The following COL6A1 variants were observed in gnomAD, a reference collection of about 807,000 sequenced individuals.
The protein encoded by COL6A1 is collagen type VI alpha 1 chain, also known as collagen alpha-1(VI) chain.
COL6A1 carries 80 observed loss-of-function variants against 145.6 expected under a neutral mutation model. That is an observed-to-expected ratio of 0.55 (90% CI 0.46 to 0.66). The LOEUF is 0.66. Among genes scored for constraint, COL6A1 ranks in the 30% least tolerant of loss-of-function variants. COL6A1 has a pLI of 0.00. For missense variants in COL6A1, 1,364 were observed against 1,473.8 expected, an observed-to-expected ratio of 0.93 and a Z score of 1.22; for synonymous variants, 638 against 622.8, an observed-to-expected ratio of 1.02 and a Z score of -0.36.
Position 45,987,080 on chromosome 21 carries a change from C to T in COL6A1, c.717+8C>T. The T allele has an allele frequency of 6.4e-7, 1 of 1,560,140 alleles. No individual in the cohort carries two copies. The highest frequency in any genetic ancestry group is 8.7e-7 in the Non-Finnish European group (1 of 1,152,582). On this transcript the variant is annotated splice_region_variant and intron_variant, in intron 5 of 34. Transcript: ENST00000361866. ...ACCATCGTGGACATGATCGTGAGGC[C>T]CCTGCCCAGGAGACGGGGAGGCCCG...
rs2077794333 is a variant in COL6A1 at position 45,994,490 on chromosome 21, G to A, written c.1398+261G>A. 6.6e-6 allele frequency among the ~76,000 whole-genome samples: 1 copy of A among 152,142 alleles called. No homozygotes were observed. The highest frequency in any genetic ancestry group is 2.4e-5 in the African/African-American group (1 of 41,436). On this transcript the variant is annotated intron_variant, in intron 20 of 34. Coordinates refer to ENST00000361866, the MANE Select transcript of COL6A1 (RefSeq NM_001848.3). The surrounding 1 kb of genome is among the most constrained non-coding windows in gnomAD (Gnocchi z 6.8). ...CGCTCAGCCCAGGTGGAGAAGCGCT[G>A]TCTGGGGGCCCATCCGGGGCAAGGG...
At chr21:46,001,156 G>T (rs571914977) in intron 29 of COL6A1, 97 bp from the exon 30 acceptor site, 2 of 1,518,214 alleles carry the variant, frequency 1.3e-6, no homozygotes, top group African/African-American at 2.7e-5. Flanking sequence ...TGTCAGGTGA[G>T]GATGTGGCAG....
chr21:46,003,219 C>T lies in COL6A1; in HGVS notation c.2464+70C>T, dbSNP rs2236489. The T allele has an allele frequency of 1.3e-3, 2,142 of 1,612,114 alleles. 16 individuals are homozygous for T. In the African/African-American group the frequency reaches 0.023, roughly 17 times the overall value. On this transcript the variant is annotated intron_variant, in intron 34 of 34. Coordinates refer to ENST00000361866, the MANE Select transcript of COL6A1 (RefSeq NM_001848.3). ...GGTTGGGGCGAGGGCTCTGAGAGGACGGGGCTCTGGGAGGAGGGCCTGGCG... is the reference window on the plus strand; with the variant it reads ...GGTTGGGGCGAGGGCTCTGAGAGGATGGGGCTCTGGGAGGAGGGCCTGGCG...
chr21:46,001,102 G>T, intron 29 of COL6A1, 151 bp from the exon 30 acceptor site: 1 of 1,098,970 alleles, frequency 9.1e-7, no homozygotes, highest in East Asian at 2.6e-5. Flanking sequence ...GGGGCCATGG[G>T]AGGGGGTGGG....
rs1237092252 is a variant in COL6A1, at chr21:46,001,328, T to C, written c.1898T>C (p.Ile633Thr). 6.2e-6 allele frequency: 10 copies of C among 1,612,826 alleles called. No individual in the cohort carries two copies. The highest frequency in any genetic ancestry group is 1.1e-5 in the South Asian group (1 of 91,092). The stretch of plus-strand genomic sequence containing the variant: ...AGCATTGGCCTGCAGAACTTCGAGA[T>C]TGCCAAGGACTTCGTCGTCAAGGTC... Reference protein sequence around the residue: ...SESIGLQNFEIAKDFVVKVID... With the variant: ...SESIGLQNFETAKDFVVKVID... Residue 633 changes from isoleucine (I) to threonine (T), a missense_variant, in exon 30 of 35, where the codon ATT (isoleucine) becomes ACT (threonine). Ile to Thr is a moderately conservative substitution (Grantham distance 89). This residue lies in a region of COL6A1 where 938 missense variants were observed against 1,003.8 expected (regional missense o/e 0.93). Coordinates refer to ENST00000361866, the MANE Select transcript of COL6A1 (RefSeq NM_001848.3).
rs2077767040 is a variant in COL6A1 at position 45,990,274 on chromosome 21, A to G, written c.947A>G (p.Lys316Arg). The change falls in exon 12 of 35, where the codon AAG becomes AGG. Residue 316 changes from lysine (K) to arginine (R), a missense_variant. Transcript: ENST00000361866. The part of the protein sequence containing the change: ...SRGEKGSRGP[K>R]GYKGEKGKRG... ...TCTCCGCAGGGCTCCAGGGGACCCA[A>G]GGGCTACAAGGTGAGCGTGGGCTGC... The G allele has an allele frequency of 6.2e-7, 1 of 1,612,672 alleles. No individual in the cohort carries two copies. The highest frequency in any genetic ancestry group is 1.3e-5 in the African/African-American group (1 of 74,872).
rs770302427 is a variant in COL6A1, at chr21:45,992,226, G to C, written c.1236+9G>C. On this transcript the variant is annotated intron_variant, in intron 17 of 34. Coordinates refer to ENST00000361866, the MANE Select transcript of COL6A1 (RefSeq NM_001848.3). The stretch of plus-strand genomic sequence containing the variant: ...GAGAGGCGGGCGACGAGGTGAGTGA[G>C]GGCTCCTGACACCTTCCTGGGGAAG... 1 of 1,613,430 alleles carries C rather than the reference G, an allele frequency of 6.2e-7. No individual in the cohort carries two copies. The highest frequency in any genetic ancestry group is 1.3e-5 in the African/African-American group (1 of 74,906).
chr21:45,999,957 TGGGAGGAC>T (rs1569518912), intron 27 of COL6A1, among the ~76,000 whole-genome samples: 3 of 1,232 alleles, frequency 2.4e-3, no homozygotes, highest in African/African-American at 6.5e-3. Context: ...GTGAGGATCA[TGGGAGGAC>T]GTGAGGATCA....
chr21:46,004,759 C>T lies in COL6A1; in HGVS notation c.*746C>T, dbSNP rs781456179. The T allele has an allele frequency of 1.2e-4, 52 of 434,778 alleles. No individual in the cohort carries two copies. In the Middle Eastern group the frequency reaches 1.3e-3, roughly 11 times the overall value. The allele number at this position is 434,778 out of a possible 1,614,324, so 26.9% of individuals were successfully genotyped here. On this transcript the variant is annotated 3_prime_UTR_variant, in exon 35 of 35. Coordinates refer to ENST00000361866, the MANE Select transcript of COL6A1 (RefSeq NM_001848.3). ...ACTGACCCCGACCTCAGAGAGTACT[C>T]GCAGGGGCGCTGGCTGCACTCAAGA...
chr21:45,992,609 C>G, intron 18 of COL6A1, 139 bp from the exon 19 acceptor site: 1 of 1,060,760 alleles, frequency 9.4e-7, no homozygotes, highest in African/African-American at 1.6e-5. Flanking sequence ...CCTCTGCAAC[C>G]GTGGGGCATG....
intron 3 of COL6A1, 37 bp downstream of exon 3, chr21:45,984,506 C>A: frequency 6.3e-7 from 1 of 1,594,416 alleles, no homozygotes; most frequent in Non-Finnish European, 8.5e-7. Flanking sequence ...CGCCAGTTCT[C>A]ACGCGTGGTA....
chr21:45,998,304 G>A (rs1161837965), intron 23 of COL6A1, 94 bp from the exon 24 acceptor site: 1 of 1,591,258 alleles, frequency 6.3e-7, no homozygotes, highest in Non-Finnish European at 8.6e-7. Flanking sequence ...CCATGGCCGG[G>A]ATTCTGTCAG....
rs201213605 is a variant in COL6A1 at position 45,986,951 on chromosome 21, G to A, written c.596G>A (p.Arg199His). 1.1e-5 allele frequency: 17 copies of A among 1,550,598 alleles called. No homozygotes were observed. The highest frequency in any genetic ancestry group is 1.4e-5 in the Non-Finnish European group (16 of 1,150,652). Residue 199 changes from arginine to histidine, a missense_variant, in exon 5 of 35, where the codon CGT (arginine) becomes CAT (histidine). By Grantham distance (29) the Arg-to-His change is conservative. Coordinates refer to ENST00000361866, the MANE Select transcript of COL6A1 (RefSeq NM_001848.3). ...VAITPDHLEP[R>H]LSIIATDHTY... is the part of the protein sequence containing the mutation. The stretch of plus-strand genomic sequence containing the variant: ...CCTGAACACTGCCCCCAGGAGCCGC[G>A]TCTGAGCATCATCGCCACGGACCAC...
intron 1 of COL6A1, among the ~76,000 whole-genome samples, chr21:45,982,423 C>T (rs2077713021): frequency 1.3e-5 from 2 of 152,196 alleles, no homozygotes; most frequent in Non-Finnish European, 2.9e-5. Flanking sequence ...TTTCTGACTC[C>T]CCTCGAGGCA....
chr21:46,001,952 G>T lies in COL6A1; in HGVS notation c.1957-9G>T, dbSNP rs2077848156. On this transcript the variant is annotated splice_polypyrimidine_tract_variant and intron_variant, in intron 30 of 34. Transcript: ENST00000361866. ...CACTCGCGTCCTGACCCCGGTGCCG[G>T]TCCCACAGTTCGAGCCAGGGCAGTC... 1.2e-6 allele frequency: 2 copies of T among 1,611,166 alleles called. No individual in the cohort carries two copies. The highest frequency in any genetic ancestry group is 1.3e-5 in the African/African-American group (1 of 74,896).
Position 45,997,179 on chromosome 21 carries a change from G to C in COL6A1, c.1399-242G>C, listed in dbSNP as rs546713446. Among the ~76,000 whole-genome samples the C allele has an allele frequency of 2.3e-5, 3 of 129,444 alleles. No individual in the cohort carries two copies. The East Asian group carries it at 5.9e-4, about 25-fold the overall frequency. 84.9% of individuals were successfully genotyped at this position (129,444 alleles called of 152,430 possible). A position where few individuals can be genotyped will look rare whatever the true frequency, so the allele number is the denominator to read the frequency against. ...CATCTGGGAGAGGCTTCACCCCTCCGTGGGGGCCTGAGGCACCAGCTGGGC... is the reference window on the plus strand; with the variant it reads ...CATCTGGGAGAGGCTTCACCCCTCCCTGGGGGCCTGAGGCACCAGCTGGGC... On this transcript the variant is annotated intron_variant, in intron 20 of 34. Coordinates refer to ENST00000361866, the MANE Select transcript of COL6A1 (RefSeq NM_001848.3).
chr21:45,985,295 T>A (rs868197917), intron 3 of COL6A1, among the ~76,000 whole-genome samples: 3 of 125,856 alleles, frequency 2.4e-5, no homozygotes, highest in Non-Finnish European at 5.1e-5. Context: ...GACAGAGAGA[T>A]AGAGACAGAG....
Position 45,994,161 on chromosome 21 carries a change from C to T in COL6A1, c.1336-6C>T. 6.3e-7 allele frequency: 1 copy of T among 1,597,068 alleles called. No homozygotes were observed. Among genetic ancestry groups the T allele is most frequent in the Non-Finnish European group, 8.5e-7 (1 of 1,173,078 alleles). On this transcript the variant is annotated splice_polypyrimidine_tract_variant and splice_region_variant and intron_variant, in intron 19 of 34. Transcript: ENST00000361866. The surrounding 1 kb of genome is among the most constrained non-coding windows in gnomAD (Gnocchi z 6.8). Reference sequence around the variant, plus strand: ...AGCTCCACACTCACGGCTCGTTTCTCTTCAGGGTGAAGCTGGCCCGCAGGG... The same window carrying T: ...AGCTCCACACTCACGGCTCGTTTCTTTTCAGGGTGAAGCTGGCCCGCAGGG...
intron 19 of COL6A1, among the ~76,000 whole-genome samples, chr21:45,993,313 G>A (rs1233907933): frequency 6.6e-6 from 1 of 152,236 alleles, no homozygotes; most frequent in African/African-American, 2.4e-5. Flanking sequence ...TCAGGGTGCA[G>A]AAGCACAGGG....
Sources: allele counts gnomAD v4.1 joint callset (sites outside exome capture counted in the v4.1 genomes callset), GRCh38; gene constraint gnomAD v4.1.1; regional missense constraint gnomAD v4.1.1; non-coding constraint Gnocchi (gnomAD v3.1); transcripts MANE v1.5; gene names NCBI Gene and HGNC (gene_info 2026-07-23, HGNC 2026-07-21).